Variants in SERPINB11 observed in about 807,000 individuals in gnomAD.
SERPINB11 encodes serpin B11.
Under a neutral mutation model 36.7 loss-of-function variants are expected in SERPINB11, and 32 were observed. That is an observed-to-expected ratio of 0.87 (90% confidence interval 0.66 to 1.17). The LOEUF (loss-of-function observed/expected upper bound fraction) is 1.17. Among genes scored for constraint, SERPINB11 ranks in the 50% most tolerant of loss-of-function variants. The probability of loss-of-function intolerance (pLI) is 0.00; values close to 1 mark genes in which losing one functional copy is unlikely to be tolerated. For synonymous variants in SERPINB11, 174 were observed against 168.1 expected (o/e 1.04, Z -0.27); for missense variants, 528 against 458.4 (o/e 1.15, Z -1.39).
In SERPINB11 at chr18:63,723,328, C is replaced by A. The variant is rs1436625569; in HGVS notation, c.1108C>A (p.Pro370Thr). The part of the protein sequence containing the change: ...PMRAQFKANH[P>T]FLFFIRHTHT... ...GAGAGCTCAGTTCAAGGCGAACCAC[C>A]CCTTCCTTTTCTTTATAAGGCACAC... Residue 370 changes from proline (P) to threonine (T), a missense_variant, in exon 8 of 8, where the codon CCC (proline) becomes ACC (threonine). Pro to Thr is a conservative substitution (Grantham distance 38). Transcript: ENST00000544088. 1 of 1,613,776 alleles carries A rather than the reference C, an allele frequency of 6.2e-7. No homozygotes were observed. Among genetic ancestry groups the A allele is most frequent in the Non-Finnish European group, 8.5e-7 (1 of 1,179,844 alleles).
intron 1 of SERPINB11, among the ~76,000 whole-genome samples, chr18:63,709,495 C>A (rs1255890354): frequency 6.6e-6 from 1 of 152,024 alleles, no homozygotes; most frequent in Non-Finnish European, 1.5e-5. Context: ...CCTGTAGTCC[C>A]AGCTACTCGG....
chr18:63,718,921 T>C (rs966130478), intron 5 of SERPINB11, among the ~76,000 whole-genome samples: 1 of 152,098 alleles, frequency 6.6e-6, no homozygotes, highest in African/African-American at 2.4e-5. Context: ...TCTCTTGTGC[T>C]AACTCTAATC....
intron 1 of SERPINB11, among the ~76,000 whole-genome samples, chr18:63,704,985 A>T (rs978359430): frequency 3.9e-5 from 6 of 152,238 alleles, no homozygotes; most frequent in African/African-American, 1.4e-4. Context: ...CAACAGTTAG[A>T]AGGTACGGAC....
At chr18:63,711,535 T>C in intron 3 of SERPINB11, 141 bp downstream of exon 3, 2 of 645,612 alleles carry the variant, frequency 3.1e-6, no homozygotes, top group Admixed American at 2.7e-5. Flanking sequence ...TTCCTGATGA[T>C]AACTACAGCC....
chr18:63,721,574 C>T (rs1914814279), intron 7 of SERPINB11, among the ~76,000 whole-genome samples: 1 of 152,238 alleles, frequency 6.6e-6, no homozygotes, highest in Non-Finnish European at 1.5e-5. Context: ...AGCTGACACA[C>T]ATATGGGTGA....
Position 63,720,968 on chromosome 18 carries a change from C to T in SERPINB11, c.756C>T (p.Gly252=), listed in dbSNP as rs1914798222. 6.2e-7 allele frequency: 1 copy of T among 1,608,788 alleles called. No individual in the cohort carries two copies. Among genetic ancestry groups the T allele is most frequent in the African/African-American group, 1.3e-5 (1 of 74,910 alleles). Residue 252 remains glycine, a synonymous_variant, in exon 7 of 8, where the codon GGC becomes GGT. Coordinates refer to ENST00000544088, the MANE Select transcript of SERPINB11 (RefSeq NM_001370475.1). ...GCATGATTATTCTGCTTCCAGTAGG[C>T]ATAGCTAATCTGAAACAGGTAAAAT... ...KLSMIILLPV[G]IANLKQIEKQ... is the part of the protein sequence containing the mutation.
In SERPINB11 at chr18:63,723,184, C is replaced by G; in HGVS notation, c.964C>G (p.Pro322Ala). The change falls in exon 8 of 8, where the codon CCA (proline) becomes GCA (alanine). Residue 322 changes from proline (P) to alanine (A), a missense_variant. Coordinates refer to ENST00000544088, the MANE Select transcript of SERPINB11 (RefSeq NM_001370475.1). The stretch of plus-strand genomic sequence containing the variant: ...CAAAGCTGATCTTTCTGGAATGTCA[C>G]CAACCAAGGGCCTATATTTATCAAA... Reference protein sequence around the residue: ...QVKADLSGMSPTKGLYLSKAI... With the variant: ...QVKADLSGMSATKGLYLSKAI... 1 of 1,613,272 alleles carries G rather than the reference C, an allele frequency of 6.2e-7. No individual in the cohort carries two copies. The highest frequency in any genetic ancestry group is 1.7e-4 in the Middle Eastern group (1 of 6,060).
intron 1 of SERPINB11, among the ~76,000 whole-genome samples, chr18:63,708,922 G>A (rs535176229): frequency 1.2e-4 from 19 of 152,310 alleles, no homozygotes; most frequent in Non-Finnish European, 2.1e-4. Context: ...GAGGCAGGCC[G>A]TGAACTGAGA....
intron 1 of SERPINB11, 124 bp from the exon 2 acceptor site, chr18:63,710,055 G>T (rs541698313): frequency 6.2e-6 from 4 of 641,502 alleles, no homozygotes; most frequent in African/African-American, 1.9e-5. Flanking sequence ...TGTGATAAGG[G>T]TATGTAGTTT....
chr18:63,710,575 T>C (rs929086768), intron 2 of SERPINB11, among the ~76,000 whole-genome samples: 37 of 152,254 alleles, frequency 2.4e-4, no homozygotes, highest in African/African-American at 8.9e-4. Context: ...ACGTGTGGTC[T>C]CTTTTTTACT....
rs375026731 is a variant in SERPINB11, at chr18:63,710,288, C to T, written c.95C>T (p.Ser32Leu). The change falls in exon 2 of 8, where the codon TCG (serine) becomes TTG (leucine). Residue 32 changes from serine (S) to leucine (L), a missense_variant. Transcript: ENST00000544088. ...ATAGGAGATAACATCTTCTTTTCTT[C>T]GCTGAGTCTGCTTTATGCTCTAAGC... ...NNIGDNIFFS[S>L]LSLLYALSMV... is the part of the protein sequence containing the mutation. The T allele has an allele frequency of 9.3e-6, 15 of 1,613,664 alleles. No individual in the cohort carries two copies. The highest frequency in any genetic ancestry group is 4.0e-5 in the African/African-American group (3 of 74,924).
At position 63,707,029 on chromosome 18, in the gene SERPINB11, G is replaced by A. The variant is rs1914389454; in HGVS notation, c.-15-3150G>A. Among the ~76,000 whole-genome samples the A allele has an allele frequency of 1.3e-5, 2 of 152,138 alleles. 1 individual carries two copies. The highest frequency in any genetic ancestry group is 4.1e-4 in the South Asian group (2 of 4,822). On this transcript the variant is annotated intron_variant, in intron 1 of 7. Transcript: ENST00000544088. ...TAGAAGCCTTCCAGCAACCTCTCCT[G>A]TCTTTCTCGTAAGAATTATGACACT...
chr18:63,720,760 G>A (rs1413781052), intron 6 of SERPINB11, 71 bp from the exon 7 acceptor site: 19 of 1,139,624 alleles, frequency 1.7e-5, no homozygotes, highest in East Asian at 2.6e-5. Flanking sequence ...TCCGTGTTAT[G>A]CAAGGTAATC....
intron 1 of SERPINB11, among the ~76,000 whole-genome samples, chr18:63,705,032 A>G (rs1049927866): frequency 1.3e-5 from 2 of 152,220 alleles, no homozygotes; most frequent in African/African-American, 4.8e-5. Context: ...TCTTAAAAAT[A>G]TAGTACTAGG....
chr18:63,704,107 G>A (rs1522718), intron 1 of SERPINB11, among the ~76,000 whole-genome samples: 56,125 of 151,644 alleles, frequency 0.37, 11,163 homozygotes, highest in East Asian at 0.61. Context: ...CCTGAAATGG[G>A]CTAAGCAACA....
chr18:63,719,084 G>A (rs1914739793), intron 5 of SERPINB11, among the ~76,000 whole-genome samples: 1 of 152,036 alleles, frequency 6.6e-6, no homozygotes, highest in South Asian at 2.1e-4. Context: ...TGAATTTAGT[G>A]CTACAGTGCC....
chr18:63,704,472 T>C lies in SERPINB11; in HGVS notation c.-16+1466T>C, dbSNP rs74657569. Among the ~76,000 whole-genome samples, 392 of 152,386 alleles carry C rather than the reference T, an allele frequency of 2.6e-3. 2 individuals are homozygous for C. Among genetic ancestry groups the C allele is most frequent in the African/African-American group, 8.8e-3 (367 of 41,596 alleles). ...GTGCACTTTGGCACTACATTAATACTATAGTTAAAACTCTGTCTTGCCAAG... is the reference window on the plus strand; with the variant it reads ...GTGCACTTTGGCACTACATTAATACCATAGTTAAAACTCTGTCTTGCCAAG... On this transcript the variant is annotated intron_variant, in intron 1 of 7. Coordinates refer to ENST00000544088, the MANE Select transcript of SERPINB11 (RefSeq NM_001370475.1).
intron 4 of SERPINB11, 122 bp downstream of exon 4, chr18:63,712,815 T>C: frequency 3.7e-6 from 4 of 1,081,258 alleles, no homozygotes; most frequent in Non-Finnish European, 5.4e-6. Context: ...GACTTTGTGC[T>C]AACTTACAGT....
chr18:63,717,715 T>G (rs1229177392), intron 5 of SERPINB11, among the ~76,000 whole-genome samples: 1 of 152,040 alleles, frequency 6.6e-6, no homozygotes, highest in Non-Finnish European at 1.5e-5. Context: ...TGATAAATTT[T>G]TAGGAGTTCT....
Sources: allele counts gnomAD v4.1 joint callset (sites outside exome capture counted in the v4.1 genomes callset), GRCh38; gene constraint gnomAD v4.1.1; transcripts MANE v1.5; gene names NCBI Gene and HGNC (gene_info 2026-07-23, HGNC 2026-07-21).